ELAVL4: variants seen among roughly 807,000 people sequenced by gnomAD.
ELAVL4 encodes ELAV-like protein 4.
A neutral mutation model predicts 35.6 loss-of-function variants in ELAVL4; 1 was observed. The observed-to-expected ratio is 0.03, with a 90% CI of 0.01 to 0.13. The LOEUF is 0.13. Ranked by LOEUF, ELAVL4 falls within the 10% of genes least tolerant of loss-of-function variation. The probability of loss-of-function intolerance (pLI) is 1.00; values close to 1 mark genes in which losing one functional copy is unlikely to be tolerated. For synonymous variants in ELAVL4, 156 were observed against 171.0 expected, an observed-to-expected ratio of 0.91 and a Z score of 0.69; for missense variants, 267 against 464.9, an observed-to-expected ratio of 0.57 and a Z score of 3.91.
chr1:50,100,052 A>G (rs1310395341), upstream of ELAVL4, among the ~76,000 whole-genome samples: 4 of 152,226 alleles, frequency 2.6e-5, no homozygotes, highest in Non-Finnish European at 5.9e-5. Context: ...TATGTTATAG[A>G]GAAAAGACTG....
upstream of ELAVL4, chr1:50,106,409 C>G (rs1182968104): frequency 6.3e-7 from 1 of 1,598,640 alleles, no homozygotes; most frequent in African/African-American, 1.3e-5. Flanking sequence ...AGGAATACAG[C>G]GGCGCTGGCA....
chr1:50,104,468 T>C (rs2148516793), upstream of ELAVL4, among the ~76,000 whole-genome samples: 1 of 152,356 alleles, frequency 6.6e-6, no homozygotes, highest in Admixed American at 6.5e-5. Context: ...TGAAACTTAA[T>C]ATATGCAAGG....
chr1:50,135,262 T>A (rs1399584736), intron 1 of ELAVL4, among the ~76,000 whole-genome samples: 1 of 152,174 alleles, frequency 6.6e-6, no homozygotes, highest in African/African-American at 2.4e-5. Flanking sequence ...AAGCGCTATA[T>A]TCTCATTGTA....
chr1:50,050,912 A>G (rs1031289921), intron 1 of ELAVL4, among the ~76,000 whole-genome samples: 2 of 152,182 alleles, frequency 1.3e-5, no homozygotes, highest in African/African-American at 2.4e-5. Context: ...TACCAGGCAC[A>G]TGGTAAATAC....
intron 2 of ELAVL4, among the ~76,000 whole-genome samples, chr1:50,171,530 G>A (rs1301490719): frequency 6.6e-6 from 1 of 152,162 alleles, no homozygotes. Context: ...AAGCCACTTA[G>A]CACAGTGCCT....
intron 6 of ELAVL4, 102 bp downstream of exon 6, chr1:50,197,569 T>C: frequency 2.0e-6 from 2 of 997,318 alleles, no homozygotes; most frequent in Non-Finnish European, 2.8e-6. Flanking sequence ...AGAAAAAAAT[T>C]CTTCCTTTTT....
chr1:50,198,537 G>A (rs986997091), intron 6 of ELAVL4, among the ~76,000 whole-genome samples: 4 of 152,104 alleles, frequency 2.6e-5, no homozygotes, highest in East Asian at 1.9e-4. Context: ...TCAGAGGACC[G>A]GCCTTTCAAA....
intron 1 of ELAVL4, among the ~76,000 whole-genome samples, chr1:50,143,166 GAAAGGT>G (rs1673106755): frequency 6.6e-6 from 1 of 152,182 alleles, no homozygotes; most frequent in Admixed American, 6.5e-5. Flanking sequence ...ATTGTGATCT[GAAAGGT>G]AATTACCCAG....
intron 3 of ELAVL4, chr1:50,180,187 A>C (rs995337448): frequency 2.6e-5 from 4 of 151,676 alleles, no homozygotes; most frequent in Non-Finnish European, 5.9e-5. Flanking sequence ...CGTTTTGCCA[A>C]TTGGTAGTGA....
At chr1:50,142,840 A>C (rs1258991958) in intron 1 of ELAVL4, among the ~76,000 whole-genome samples, 2 of 152,220 alleles carry the variant, frequency 1.3e-5, no homozygotes, top group Non-Finnish European at 2.9e-5. Flanking sequence ...CATTATCTAT[A>C]GTAGTTCAAA....
intron 1 of ELAVL4, among the ~76,000 whole-genome samples, chr1:50,119,036 A>AAGAAAG (rs1553170302): frequency 7.9e-6 from 1 of 127,174 alleles, no homozygotes; most frequent in South Asian, 2.9e-4. Context: ...GAAAGAAAGA[A>AAGAAAG]AAAGAAAGAA....
At chr1:50,178,922 T>C (rs1482413110) in intron 3 of ELAVL4, among the ~76,000 whole-genome samples, 1 of 152,002 alleles carries the variant, frequency 6.6e-6, no homozygotes, top group Non-Finnish European at 1.5e-5. Flanking sequence ...ACCCCAACTC[T>C]TCTCCAGGGG....
chr1:50,192,563 A>ACACACACACACT (rs766597516), intron 3 of ELAVL4, among the ~76,000 whole-genome samples: 5 of 144,438 alleles, frequency 3.5e-5, no homozygotes, highest in African/African-American at 1.1e-4. Flanking sequence ...ACACACACAC[A>ACACACACACACT]CTCTCACCCC....
chr1:50,181,995 A>G (rs1681115932), intron 3 of ELAVL4, among the ~76,000 whole-genome samples: 1 of 152,178 alleles, frequency 6.6e-6, no homozygotes, highest in South Asian at 2.1e-4. Flanking sequence ...CTTTGTTTTT[A>G]AAAGTCGTCT....
intron 1 of ELAVL4, among the ~76,000 whole-genome samples, chr1:50,073,097 G>A (rs1300763439): frequency 6.6e-6 from 1 of 152,188 alleles, no homozygotes; most frequent in Non-Finnish European, 1.5e-5. Flanking sequence ...CAAGGTAGAA[G>A]CTGTCTTCAC....
At chr1:50,108,835 C>A, upstream of ELAVL4, 1 of 886,334 alleles carries the variant, frequency 1.1e-6, no homozygotes, top group Non-Finnish European at 1.4e-6. Context: ...GATGTTGCAA[C>A]GCCTCCCTTC....
chr1:50,079,211 G>A (rs1468983777), intron 1 of ELAVL4, among the ~76,000 whole-genome samples: 4 of 152,102 alleles, frequency 2.6e-5, no homozygotes, highest in Non-Finnish European at 5.9e-5. Flanking sequence ...ACAGGTGTGT[G>A]CCACTACACC....
chr1:50,055,670 G>A lies in ELAVL4; in HGVS notation c.18+7488G>A, dbSNP rs558680300. On this transcript the variant is annotated intron_variant, in intron 1 of 6. Coordinates refer to the ELAVL4 transcript ENST00000448907. ...AGTGTTGAAAAAATCTTTCTACTTT[G>A]ACCTTCAAAATTCTATATAGGCCAG... is the stretch of plus-strand genomic sequence containing the variant. Among the ~76,000 whole-genome samples, 223 of 151,536 alleles carry A rather than the reference G, an allele frequency of 1.5e-3. 1 individual carries two copies. Among genetic ancestry groups the A allele is most frequent in the Non-Finnish European group, 2.0e-3 (137 of 67,894 alleles).
intron 3 of ELAVL4, among the ~76,000 whole-genome samples, chr1:50,181,931 C>T (rs1055396621): frequency 2.6e-5 from 4 of 152,236 alleles, no homozygotes; most frequent in African/African-American, 9.6e-5. Flanking sequence ...GATCCACCCG[C>T]CTCAGCCTCC....
Sources: gnomAD v4.1 joint callset for allele counts (sites outside exome capture counted in the v4.1 genomes callset) on GRCh38, gnomAD v4.1.1 for gene constraint, MANE v1.5 for transcripts, NCBI Gene and HGNC (gene_info 2026-07-23, HGNC 2026-07-21) for gene names.